TRMO: variants seen among roughly 807,000 people sequenced by gnomAD.
The protein encoded by TRMO is tRNA (adenine(37)-N6)-methyltransferase.
Under a neutral mutation model 37.2 loss-of-function variants are expected in TRMO, and 30 were observed. That is an observed-to-expected ratio of 0.81 (90% confidence interval 0.60 to 1.09). The LOEUF (loss-of-function observed/expected upper bound fraction) is 1.09, where lower values mean the gene tolerates loss of function less well. Ranked by LOEUF, TRMO falls within the 50% of genes least tolerant of loss-of-function variation. The probability of loss-of-function intolerance (pLI) is 0.00; values close to 1 mark genes in which losing one functional copy is unlikely to be tolerated. For missense variants in TRMO, 552 were observed against 549.5 expected (o/e 1.00, Z -0.05); for synonymous variants, 239 against 199.4 (o/e 1.20, Z -1.67).
downstream of TRMO, chr9:97,900,647 A>G (rs146801873): frequency 9.5e-4 from 298 of 313,386 alleles, 1 homozygote; most frequent in Non-Finnish European, 1.2e-3. Flanking sequence ...GCAGCCGAGC[A>G]GCTTGAGCAC....
intron 4 of TRMO, among the ~76,000 whole-genome samples, chr9:97,906,150 T>A (rs1175376934): frequency 8.5e-6 from 1 of 118,268 alleles, no homozygotes. Context: ...AGAAAGAGAC[T>A]GTATCTCAAA....
rs775767150 is a variant in TRMO, at chr9:97,922,468, G to C, written c.26C>G (p.Pro9Arg). The C allele has an allele frequency of 1.9e-6, 3 of 1,586,810 alleles. No individual in the cohort carries two copies. The highest frequency in any genetic ancestry group is 2.3e-5 in the South Asian group (2 of 87,324). The change falls in exon 1 of 5, where the codon CCT becomes CGT. Residue 9 changes from proline (P) to arginine (R), a missense_variant. Coordinates refer to ENST00000375119, the MANE Select transcript of TRMO (RefSeq NM_016481.5). MRGLEESG[P>R]RPTATPCGCV... The stretch of plus-strand genomic sequence containing the variant: ...GCCGCACGGGGTCGCTGTAGGCCGA[G>C]GCCCCGACTCCTCCAAGCCGCGCAT...
At chr9:97,922,283 C>T (rs984081328) in intron 1 of TRMO, 135 bp downstream of exon 1, 6 of 654,770 alleles carry the variant, frequency 9.2e-6, no homozygotes, top group Non-Finnish European at 1.6e-5. Context: ...AGCACGTGAC[C>T]CGTGCCTTCG....
intron 4 of TRMO, among the ~76,000 whole-genome samples, chr9:97,906,977 C>T (rs1214808026): frequency 6.6e-6 from 1 of 152,130 alleles, no homozygotes; most frequent in Non-Finnish European, 1.5e-5. Flanking sequence ...TGTTTTGTTC[C>T]ACCATAAAAT....
chr9:97,910,415 G>A lies in TRMO; in HGVS notation c.611C>T (p.Ser204Leu), dbSNP rs574871568. 15 of 1,614,158 alleles carry A rather than the reference G, an allele frequency of 9.3e-6. 1 individual carries two copies. In the South Asian group the frequency reaches 1.4e-4, roughly 15 times the overall value. ...KTDSCDQRQLSGCDEPQPHHS... is the reference protein window; with the variant it reads ...KTDSCDQRQLLGCDEPQPHHS... The stretch of plus-strand genomic sequence containing the variant: ...GTGGGGTTGTGGCTCATCACACCCT[G>A]AGAGCTGTCGCTGGTCACAGCTGTC... Residue 204 changes from serine (S) to leucine (L), a missense_variant, in exon 4 of 5, where the codon TCA becomes TTA. Transcript: ENST00000375119.
intron 4 of TRMO, among the ~76,000 whole-genome samples, chr9:97,906,050 G>A (rs943334148): frequency 1.3e-5 from 2 of 151,748 alleles, no homozygotes; most frequent in African/African-American, 4.8e-5. Context: ...TGTAATTCTA[G>A]CTACTCAGGA....
At chr9:97,920,469 T>C (rs1826574579) in intron 1 of TRMO, among the ~76,000 whole-genome samples, 1 of 152,200 alleles carries the variant, frequency 6.6e-6, no homozygotes, top group Admixed American at 6.5e-5. Flanking sequence ...CTGAATCCGT[T>C]TTCTCATCTA....
intron 1 of TRMO, 116 bp downstream of exon 1, chr9:97,922,302 A>C: frequency 2.8e-6 from 2 of 710,726 alleles, no homozygotes; most frequent in Non-Finnish European, 4.8e-6. Flanking sequence ...CGCCGTAGGT[A>C]AAAGAATGAC....
At chr9:97,900,291 C>A (rs1056886935), downstream of TRMO, among the ~76,000 whole-genome samples, 2 of 152,232 alleles carry the variant, frequency 1.3e-5, no homozygotes, top group African/African-American at 4.8e-5. Flanking sequence ...GGTCACAGAG[C>A]TAGAGGCAGG....
At chr9:97,908,411 C>CAAAAAA (rs34633871) in intron 4 of TRMO, among the ~76,000 whole-genome samples, 3 of 98,796 alleles carry the variant, frequency 3.0e-5, no homozygotes, top group Non-Finnish European at 4.0e-5. Context: ...GACTCCGTCT[C>CAAAAAA]AAAAAAAAAA....
chr9:97,922,418 CTG>C lies in TRMO; in HGVS notation c.74_75del (p.Thr25ArgfsTer6). The part of the protein sequence containing the change: ...PCGCVKPALE[T>X]GNLLTEPVGY... Reference sequence around the variant, plus strand: ...TGGCACCGCCGGTGTTGGAAGTTACCTGTCTCCAGAGCCGGCTTAACGCAGCC... The same window carrying C: ...TGGCACCGCCGGTGTTGGAAGTTACCTCTCCAGAGCCGGCTTAACGCAGCC... On this transcript the variant is annotated frameshift_variant and splice_region_variant, in exon 1 of 5. Coordinates refer to ENST00000375119, the MANE Select transcript of TRMO (RefSeq NM_016481.5). LOFTEE classifies it high-confidence loss of function. 6.3e-7 allele frequency: 1 copy of C among 1,576,544 alleles called. No individual in the cohort carries two copies. The highest frequency in any genetic ancestry group is 8.6e-7 in the Non-Finnish European group (1 of 1,159,698).
intron 4 of TRMO, 81 bp from the exon 5 acceptor site, chr9:97,905,073 G>T: frequency 6.8e-7 from 1 of 1,475,884 alleles, no homozygotes; most frequent in Non-Finnish European, 9.3e-7. Flanking sequence ...ATGGAATCTG[G>T]TTGGTTCCTT....
In TRMO at chr9:97,910,393, G is replaced by A; in HGVS notation, c.633C>T (p.Pro211=). The A allele has an allele frequency of 6.2e-7, 1 of 1,614,188 alleles. No homozygotes were observed. The highest frequency in any genetic ancestry group is 8.5e-7 in the Non-Finnish European group (1 of 1,180,040). The change falls in exon 4 of 5, where the codon CCC becomes CCT. Residue 211 remains proline, a synonymous_variant. Coordinates refer to ENST00000375119, the MANE Select transcript of TRMO (RefSeq NM_016481.5). ...TAGGTTTCCTCTTAGTGCTATGGTG[G>A]GGTTGTGGCTCATCACACCCTGAGA... ...RQLSGCDEPQ[P]HHSTKRKPKC...
chr9:97,910,008 G>GCACTTCTAAAGTGGC lies in TRMO; in HGVS notation c.1003_1017dup (p.Ala335_Val339dup), dbSNP rs773954128. On this transcript the variant is annotated inframe_insertion, in exon 4 of 5. Transcript: ENST00000375119. ...TCCATCTCGGCATGAGGAGTAAACC[G>GCACTTCTAAAGTGGC]CACTTCTAAAGTGGCCACAGGAGCC... 1.3e-6 allele frequency: 2 copies of GCACTTCTAAAGTGGC among 1,589,274 alleles called. No homozygotes were observed. The highest frequency in any genetic ancestry group is 3.6e-5 in the Admixed American group (2 of 56,132).
downstream of TRMO, chr9:97,900,562 G>A (rs936745186): frequency 2.0e-5 from 3 of 152,618 alleles, no homozygotes; most frequent in African/African-American, 7.2e-5. Flanking sequence ...AAACCAGCAT[G>A]ATTTGCTAAG....
At chr9:97,907,868 A>G (rs1467185676) in intron 4 of TRMO, among the ~76,000 whole-genome samples, 1 of 152,156 alleles carries the variant, frequency 6.6e-6, no homozygotes, top group African/African-American at 2.4e-5. Flanking sequence ...GCGGCTGTGC[A>G]CTGGCTGTCC....
Position 97,910,943 on chromosome 9 carries a change from T to G in TRMO, c.410-327A>C, listed in dbSNP as rs545695702. On this transcript the variant is annotated intron_variant, in intron 3 of 4. Coordinates refer to ENST00000375119, the MANE Select transcript of TRMO (RefSeq NM_016481.5). ...CTCTGCTAGAGCGCTTTCCCCACGG[T>G]AGGGTAGTGACCTGCTTAGAGTCTT... is the stretch of plus-strand genomic sequence containing the variant. The G allele has an allele frequency of 3.7e-4, 192 of 516,730 alleles. 1 individual carries two copies. The highest frequency in any genetic ancestry group is 2.2e-3 in the Admixed American group (97 of 44,070). 32.0% of individuals were successfully genotyped at this position (516,730 alleles called of 1,614,324 possible). A position where few individuals can be genotyped will look rare whatever the true frequency, so the allele number is the denominator to read the frequency against.
At chr9:97,899,561 C>A (rs1317920971), downstream of TRMO, among the ~76,000 whole-genome samples, 1 of 151,982 alleles carries the variant, frequency 6.6e-6, no homozygotes, top group Non-Finnish European at 1.5e-5. Context: ...ACCTCAGCCT[C>A]TTGAGCCCAG....
Position 97,913,548 on chromosome 9 carries a change from C to G in TRMO, c.262G>C (p.Val88Leu). Residue 88 changes from valine (V) to leucine (L), a missense_variant, in exon 3 of 5, where the codon GTT (valine) becomes CTT (leucine). Val to Leu is a conservative substitution (Grantham distance 32). Transcript: ENST00000375119. ...EQFSHVWILF[V>L]FHKNGHLSCK... ...CTCAAATGACCATTTTTGTGAAAAA[C>G]AAACAAAATCCTATAGAAAACAAAA... 6.2e-7 allele frequency: 1 copy of G among 1,605,886 alleles called. No homozygotes were observed. The highest frequency in any genetic ancestry group is 2.2e-5 in the East Asian group (1 of 44,820).
Sources: gnomAD v4.1 joint callset for allele counts (sites outside exome capture counted in the v4.1 genomes callset) on GRCh38, gnomAD v4.1.1 for gene constraint, MANE v1.5 for transcripts, NCBI Gene and HGNC (gene_info 2026-07-23, HGNC 2026-07-21) for gene names.